TTC28: variants seen among roughly 807,000 people sequenced by gnomAD.
TTC28 encodes the protein tetratricopeptide repeat protein 28.
Under a neutral mutation model 198.0 loss-of-function variants are expected in TTC28, and 61 were observed. The ratio of observed to expected loss-of-function variants is 0.31; its 90% CI spans 0.25 to 0.38. The LOEUF (loss-of-function observed/expected upper bound fraction) is 0.38. Among genes scored for constraint, TTC28 ranks in the 10% least tolerant of loss-of-function variants. The pLI is 1.00. For missense variants in TTC28, 2,678 were observed against 3,164.0 expected (o/e 0.85, Z 3.69); for synonymous variants, 1,171 against 1,297.8 (o/e 0.90, Z 2.10).
chr22:28,165,099 G>T (rs540263998), intron 5 of TTC28, among the ~76,000 whole-genome samples: 1 of 152,174 alleles, frequency 6.6e-6, no homozygotes, highest in South Asian at 2.1e-4. Flanking sequence ...CGAAATGAAT[G>T]AAATGAAGTG....
At chr22:28,460,988 A>G (rs577558153) in intron 2 of TTC28, among the ~76,000 whole-genome samples, 9 of 152,250 alleles carry the variant, frequency 5.9e-5, no homozygotes, top group East Asian at 3.9e-4. Context: ...CTGGCCTCCT[A>G]TGATTTTAAG....
intron 2 of TTC28, among the ~76,000 whole-genome samples, chr22:28,566,295 G>A (rs2049968349): frequency 6.6e-6 from 1 of 152,130 alleles, no homozygotes; most frequent in Non-Finnish European, 1.5e-5. Context: ...AAATCACATA[G>A]GGACGACCCT....
chr22:27,982,293 A>G lies in TTC28; in HGVS notation c.7374T>C (p.Pro2458=), dbSNP rs764477073. 35 of 1,494,500 alleles carry G rather than the reference A, an allele frequency of 2.3e-5. No homozygotes were observed. Among genetic ancestry groups the G allele is most frequent in the Non-Finnish European group, 2.8e-5 (31 of 1,121,832 alleles). The allele number at this position is 1,494,500 out of a possible 1,614,324, so 92.6% of individuals were successfully genotyped here. ...AGPPATAPAR[P]LRLPSGNGYK... is the part of the protein sequence containing the mutation. ...AGCCATTTCCAGAAGGAAGCCTCAA[A>G]GGGCGCGCGGGGGCTGTGGCGGGAG... The change falls in exon 23 of 23, where the codon CCT becomes CCC. Residue 2458 remains proline (P), a synonymous_variant. Coordinates refer to ENST00000397906, the MANE Select transcript of TTC28 (RefSeq NM_001145418.2). This position sits in a 1 kb window ranked among gnomAD's most constrained non-coding sequence, Gnocchi z 5.2.
chr22:28,596,271 GA>G (rs894748093), intron 2 of TTC28, among the ~76,000 whole-genome samples: 1 of 151,972 alleles, frequency 6.6e-6, no homozygotes, highest in Non-Finnish European at 1.5e-5. Context: ...GGAATGGGGG[GA>G]AAAAAAGACT....
At chr22:28,469,482 T>C (rs1270689672) in intron 2 of TTC28, among the ~76,000 whole-genome samples, 2 of 151,794 alleles carry the variant, frequency 1.3e-5, no homozygotes, top group African/African-American at 4.8e-5. Flanking sequence ...ATCAAAAAAA[T>C]AAAAAAATGG....
chr22:28,672,862 C>T (rs769954362), intron 1 of TTC28, among the ~76,000 whole-genome samples: 4 of 152,134 alleles, frequency 2.6e-5, no homozygotes, highest in Non-Finnish European at 4.4e-5. Flanking sequence ...GCTATACTGC[C>T]CCTAGGCAAG....
At chr22:28,574,062 G>T (rs1401898847) in intron 2 of TTC28, among the ~76,000 whole-genome samples, 4 of 152,084 alleles carry the variant, frequency 2.6e-5, no homozygotes, top group Non-Finnish European at 5.9e-5. Context: ...ACCCAGGCTG[G>T]AGTACAGTGG....
chr22:28,480,022 A>C (rs1003005750), intron 2 of TTC28, among the ~76,000 whole-genome samples: 1 of 152,176 alleles, frequency 6.6e-6, no homozygotes, highest in Non-Finnish European at 1.5e-5. Flanking sequence ...TTGCTGAGGG[A>C]GAGAAAAAGG....
At chr22:28,335,779 T>C (rs566833466) in intron 2 of TTC28, among the ~76,000 whole-genome samples, 1 of 152,340 alleles carries the variant, frequency 6.6e-6, no homozygotes, top group Admixed American at 6.5e-5. Flanking sequence ...TCATGTCATC[T>C]GCAAACAGGG....
chr22:28,422,795 A>T (rs1227527084), intron 2 of TTC28, among the ~76,000 whole-genome samples: 1 of 152,168 alleles, frequency 6.6e-6, no homozygotes, highest in East Asian at 1.9e-4. Flanking sequence ...AAAGCATTTT[A>T]AAAATCAGAT....
chr22:28,195,800 T>C (rs1370488298), intron 5 of TTC28, among the ~76,000 whole-genome samples: 1 of 144,872 alleles, frequency 6.9e-6, no homozygotes, highest in Non-Finnish European at 1.5e-5. Context: ...CACAAACAAA[T>C]GGAAGAACAT....
intron 5 of TTC28, among the ~76,000 whole-genome samples, chr22:28,226,568 A>G (rs2147217001): frequency 6.6e-6 from 1 of 152,194 alleles, no homozygotes; most frequent in East Asian, 1.9e-4. Context: ...CTGGGACTAC[A>G]GGTGGGCGCT....
chr22:28,345,416 T>C (rs1417658147), intron 2 of TTC28, among the ~76,000 whole-genome samples: 3 of 152,176 alleles, frequency 2.0e-5, no homozygotes, highest in African/African-American at 7.2e-5. Flanking sequence ...TCCGGAACCA[T>C]CTCCTTTCCA....
At chr22:28,591,042 T>C (rs1018502) in intron 2 of TTC28, among the ~76,000 whole-genome samples, 30 of 32,558 alleles carry the variant, frequency 9.2e-4, no homozygotes, top group African/African-American at 3.8e-3. Context: ...CACACACACA[T>C]ATATATATAT....
chr22:28,289,969 A>G (rs1224458697), intron 5 of TTC28, among the ~76,000 whole-genome samples: 1 of 152,142 alleles, frequency 6.6e-6, no homozygotes, highest in African/African-American at 2.4e-5. Context: ...GGTTGCAGTG[A>G]GCCGAGACTG....
intron 5 of TTC28, among the ~76,000 whole-genome samples, chr22:28,192,107 C>G (rs1367503603): frequency 6.6e-6 from 1 of 152,178 alleles, no homozygotes; most frequent in Non-Finnish European, 1.5e-5. Flanking sequence ...GAGGAACGAT[C>G]AGGCAGCAAC....
At chr22:28,596,960 A>G (rs1029588159) in intron 2 of TTC28, among the ~76,000 whole-genome samples, 12 of 152,306 alleles carry the variant, frequency 7.9e-5, no homozygotes, top group Non-Finnish European at 1.2e-4. Flanking sequence ...AAATACAGCA[A>G]CAGCCTAGAA....
intron 13 of TTC28, chr22:28,029,081 G>C (rs1938966913): frequency 4.2e-6 from 2 of 471,050 alleles, no homozygotes; most frequent in African/African-American, 4.0e-5. Context: ...ATGTGTCCAG[G>C]CCCAATCCCA....
chr22:28,244,548 T>C (rs1482821435), intron 5 of TTC28, among the ~76,000 whole-genome samples: 1 of 152,190 alleles, frequency 6.6e-6, no homozygotes, highest in Non-Finnish European at 1.5e-5. Flanking sequence ...CTTGAATGAC[T>C]TAACTGACTT....
Sources: allele counts gnomAD v4.1 joint callset (sites outside exome capture counted in the v4.1 genomes callset), GRCh38; gene constraint gnomAD v4.1.1; non-coding constraint Gnocchi (gnomAD v3.1); transcripts MANE v1.5; gene names NCBI Gene and HGNC (gene_info 2026-07-23, HGNC 2026-07-21).